Variants in EPG5 observed in about 807,000 individuals in gnomAD.
EPG5 encodes the protein ectopic P-granules 5 autophagy tethering factor, also known as ectopic P granules protein 5 homolog.
Under a neutral mutation model 302.7 loss-of-function variants are expected in EPG5, and 159 were observed. The observed-to-expected ratio is 0.53, with a 90% CI of 0.46 to 0.60. EPG5 has a LOEUF of 0.60. Among genes scored for constraint, EPG5 ranks in the 20% least tolerant of loss-of-function variants. The pLI is 0.00. For synonymous variants in EPG5, 1,158 were observed against 1,136.8 expected (o/e 1.02, Z -0.37); for missense variants, 2,896 against 3,092.4 (o/e 0.94, Z 1.51).
chr18:45,884,511 C>T, intron 30 of EPG5, 106 bp downstream of exon 30: 1 of 1,030,084 alleles, frequency 9.7e-7, no homozygotes, highest in Non-Finnish European at 1.4e-6. Flanking sequence ...TCAGCCTCTG[C>T]TGTACCTGGA....
intron 36 of EPG5, among the ~76,000 whole-genome samples, chr18:45,870,084 C>T (rs556982317): frequency 1.2e-4 from 19 of 152,214 alleles, no homozygotes; most frequent in Middle Eastern, 3.4e-3. Flanking sequence ...GGTCTGCACA[C>T]GATTATGATG....
chr18:45,904,172 TA>T (rs1486462935), intron 24 of EPG5, 55 bp from the exon 25 acceptor site: 2 of 1,569,886 alleles, frequency 1.3e-6, no homozygotes, highest in African/African-American at 2.8e-5. Context: ...GATTCACATA[TA>T]AAACTATGTA....
At chr18:45,841,265 G>A in the EPG5 span, among the ~76,000 whole-genome samples, 3 of 152,172 alleles carry the variant, frequency 2.0e-5, no homozygotes, top group African/African-American at 4.8e-5. Context: ...AGGTAGGAGC[G>A]GTGGAGTTCC....
the EPG5 span, among the ~76,000 whole-genome samples, chr18:45,802,758 C>T: frequency 2.0e-5 from 3 of 152,348 alleles, no homozygotes; most frequent in South Asian, 6.2e-4. Context: ...CTAATCACAT[C>T]CTAGGATCTC....
rs1204494279 is a variant in EPG5, at chr18:45,851,757, A to G, written c.*710T>C. 6.6e-6 allele frequency: 1 copy of G among 152,254 alleles called. No individual in the cohort carries two copies. Among genetic ancestry groups the G allele is most frequent in the African/African-American group, 2.4e-5 (1 of 41,436 alleles). The allele number at this position is 152,254 out of a possible 1,614,324, so 9.4% of individuals were successfully genotyped here. A position where few individuals can be genotyped will look rare whatever the true frequency, so the allele number is the denominator to read the frequency against. ...CCTCACCAAGTGGACCAAACAAAAC[A>G]TCTGTGCAAAACATGCTCCTCCCAG... On this transcript the variant is annotated 3_prime_UTR_variant, in exon 44 of 44. Transcript: ENST00000282041.
chr18:45,929,142 A>G (rs1282330759), intron 12 of EPG5, 133 bp from the exon 13 acceptor site: 2 of 926,258 alleles, frequency 2.2e-6, no homozygotes, highest in East Asian at 5.3e-5. Flanking sequence ...GTTCCAAAAA[A>G]TGTTAAAACT....
At chr18:45,821,452 A>ATT in the EPG5 span, among the ~76,000 whole-genome samples, 5 of 152,362 alleles carry the variant, frequency 3.3e-5, no homozygotes, top group Admixed American at 1.3e-4. Flanking sequence ...AAGAGAAGGC[A>ATT]TTTTATATGA....
At chr18:45,934,558 C>T (rs555875070) in intron 11 of EPG5, among the ~76,000 whole-genome samples, 8 of 152,162 alleles carry the variant, frequency 5.3e-5, no homozygotes, top group Non-Finnish European at 1.2e-4. Context: ...CAAAAAAGTG[C>T]TTCCTAAAAG....
At chr18:45,884,575 C>T in intron 30 of EPG5, 42 bp downstream of exon 30, 5 of 1,519,582 alleles carry the variant, frequency 3.3e-6, no homozygotes, top group Non-Finnish European at 4.4e-6. Flanking sequence ...AACAATCATT[C>T]CTACGTTTCA....
chr18:45,949,425 A>T, intron 5 of EPG5, 59 bp downstream of exon 5: 1 of 936,612 alleles, frequency 1.1e-6, no homozygotes, highest in Non-Finnish European at 1.6e-6. Flanking sequence ...TTCTTCAGGA[A>T]TAATGTCTAA....
chr18:45,917,143 A>C (rs2050050572), intron 17 of EPG5, among the ~76,000 whole-genome samples: 1 of 152,136 alleles, frequency 6.6e-6, no homozygotes, highest in African/African-American at 2.4e-5. Flanking sequence ...GATGTACTTC[A>C]TGTCCCCACT....
At chr18:45,805,276 G>A in the EPG5 span, among the ~76,000 whole-genome samples, 1 of 152,004 alleles carries the variant, frequency 6.6e-6, no homozygotes, top group African/African-American at 2.4e-5. Context: ...GTGTACTAAT[G>A]TTAGTTTCTT....
Position 45,910,561 on chromosome 18 carries a change from C to A in EPG5, c.4165G>T (p.Gly1389Cys), listed in dbSNP as rs776354551. The A allele has an allele frequency of 6.2e-7, 1 of 1,613,266 alleles. No individual in the cohort carries two copies. The highest frequency in any genetic ancestry group is 1.7e-5 in the Admixed American group (1 of 59,950). Residue 1389 changes from glycine (G) to cysteine (C), a missense_variant, in exon 23 of 44, where the codon GGT (glycine) becomes TGT (cysteine). Physicochemically the swap from Gly to Cys is radical, Grantham distance 159. This residue lies in a region of EPG5 where 790 missense variants were observed against 798.0 expected (regional missense o/e 0.99). Coordinates refer to ENST00000282041, the MANE Select transcript of EPG5 (RefSeq NM_020964.3). ...TGCAGTTCTGGTGAAGTCAGGTAAC[C>A]AGGGGTGCCAGAGTGGCTCTCTGGC... ...GLPESHSGTP[G>C]YLTSPELHKE... is the part of the protein sequence containing the mutation.
At chr18:45,933,609 T>C (rs1599602913) in intron 11 of EPG5, among the ~76,000 whole-genome samples, 2 of 150,698 alleles carry the variant, frequency 1.3e-5, no homozygotes, top group Admixed American at 6.6e-5. Context: ...GCCCGGGAGA[T>C]GGAAGTTGCA....
intron 10 of EPG5, among the ~76,000 whole-genome samples, chr18:45,937,355 T>C (rs1203344266): frequency 6.7e-6 from 1 of 149,942 alleles, no homozygotes; most frequent in Non-Finnish European, 1.5e-5. Flanking sequence ...GATATACACA[T>C]ATATATACAC....
At chr18:45,918,985 T>C (rs1413258829) in intron 16 of EPG5, among the ~76,000 whole-genome samples, 1 of 152,064 alleles carries the variant, frequency 6.6e-6, no homozygotes, top group Admixed American at 6.6e-5. Flanking sequence ...GCAAAGGTTA[T>C]GCCACAAGGA....
chr18:45,884,513 G>A (rs2049176458), intron 30 of EPG5, 104 bp downstream of exon 30: 2 of 1,063,262 alleles, frequency 1.9e-6, no homozygotes, highest in African/African-American at 1.7e-5. Context: ...AGCCTCTGCT[G>A]TACCTGGAAA....
At position 45,948,558 on chromosome 18, in the gene EPG5, G is replaced by C. The variant is rs766510909; in HGVS notation, c.1516C>G (p.Pro506Ala). The change falls in exon 6 of 44, where the codon CCA becomes GCA. Residue 506 changes from proline to alanine, a missense_variant. Transcript: ENST00000282041. ...PFIQIKVLHN[P>A]SGVFHFMQSL... The stretch of plus-strand genomic sequence containing the variant: ...TGCATAAAATGAAAGACCCCTGATG[G>C]GTTATGCAACACTTTGATCTGAAAT... 1.9e-6 allele frequency: 3 copies of C among 1,613,666 alleles called. No homozygotes were observed. In the East Asian group the frequency reaches 6.7e-5, roughly 36 times the overall value.
chr18:45,812,585 A>G, the EPG5 span, among the ~76,000 whole-genome samples: 6 of 152,198 alleles, frequency 3.9e-5, no homozygotes, highest in African/African-American at 1.4e-4. Context: ...AGACCAATGG[A>G]ACAGAACAGG....
Sources: allele counts gnomAD v4.1 joint callset (sites outside exome capture counted in the v4.1 genomes callset), GRCh38; gene constraint gnomAD v4.1.1; regional missense constraint gnomAD v4.1.1; transcripts MANE v1.5; gene names NCBI Gene and HGNC (gene_info 2026-07-23, HGNC 2026-07-21).